The following RANBP2 variants were observed in gnomAD, a reference collection of about 807,000 sequenced individuals.
RANBP2 encodes the protein RAN binding protein 2.
In RANBP2, 57 loss-of-function variants were observed where a neutral mutation model predicts 303.6. That is an observed-to-expected ratio of 0.19 (90% CI 0.15 to 0.23). The LOEUF (loss-of-function observed/expected upper bound fraction) is 0.23, where lower values mean the gene tolerates loss of function less well. RANBP2 is among the 10% of genes least tolerant of loss of function. RANBP2 has a pLI of 1.00. For missense variants in RANBP2, 3,138 were observed against 3,780.8 expected (o/e 0.83, Z 4.46); for synonymous variants, 1,167 against 1,301.5 (o/e 0.90, Z 2.23).
At chr2:108,721,053 AAAAC>A (rs1356868189) in intron 1 of RANBP2, among the ~76,000 whole-genome samples, 1 of 152,210 alleles carries the variant, frequency 6.6e-6, no homozygotes, top group Non-Finnish European at 1.5e-5. Context: ...CAAAAAAACA[AAAAC>A]AAAAACAAAA....
chr2:108,971,248 G>A, the RANBP2 span, among the ~76,000 whole-genome samples: 31 of 152,082 alleles, frequency 2.0e-4, no homozygotes, highest in Admixed American at 6.5e-4. Context: ...ATATTTCTGC[G>A]CCTTTCTTCC....
chr2:109,415,546 T>C, the RANBP2 span, among the ~76,000 whole-genome samples: 507 of 152,170 alleles, frequency 3.3e-3, 1 homozygote, highest in African/African-American at 0.011. Context: ...CCTCTGCCGG[T>C]GCAGGCTGGG....
the RANBP2 span, among the ~76,000 whole-genome samples, chr2:109,317,911 C>T: frequency 6.6e-6 from 1 of 151,992 alleles, no homozygotes; most frequent in African/African-American, 2.4e-5. Context: ...AGCAGCAGCT[C>T]GCTGGCTGCA....
chr2:109,711,278 C>T, the RANBP2 span, among the ~76,000 whole-genome samples: 1 of 152,058 alleles, frequency 6.6e-6, no homozygotes, highest in South Asian at 2.1e-4. Flanking sequence ...TCTCCTCACA[C>T]CCTATAAACG....
At chr2:109,627,467 G>T in the RANBP2 span, among the ~76,000 whole-genome samples, 2 of 152,216 alleles carry the variant, frequency 1.3e-5, no homozygotes, top group Non-Finnish European at 2.9e-5. Flanking sequence ...AAAGTGCTGG[G>T]ATTACAGGCA....
At chr2:108,970,280 G>A in the RANBP2 span, among the ~76,000 whole-genome samples, 6 of 152,108 alleles carry the variant, frequency 3.9e-5, no homozygotes, top group Admixed American at 6.5e-5. Context: ...GCTTCTTTAC[G>A]ACACCAGGAG....
chr2:108,723,793 C>T (rs989887468), intron 1 of RANBP2, among the ~76,000 whole-genome samples: 12 of 151,976 alleles, frequency 7.9e-5, no homozygotes, highest in Admixed American at 7.2e-4. Context: ...TTTTGGTTTG[C>T]TTGTATGTTG....
At chr2:109,295,052 A>T in the RANBP2 span, among the ~76,000 whole-genome samples, 5,316 of 152,360 alleles carry the variant, frequency 0.035, 239 homozygotes, top group African/African-American at 0.096. Context: ...TCCCTGCAGG[A>T]AATGCCACTG....
chr2:109,629,164 T>C, the RANBP2 span, among the ~76,000 whole-genome samples: 6 of 150,748 alleles, frequency 4.0e-5, no homozygotes, highest in South Asian at 1.1e-3. Flanking sequence ...ATCCTGCCAC[T>C]GCACTCTGGC....
chr2:108,776,302 A>C (rs1261240965), intron 24 of RANBP2, among the ~76,000 whole-genome samples: 7 of 152,180 alleles, frequency 4.6e-5, no homozygotes, highest in East Asian at 3.8e-4. Flanking sequence ...TTAATTATGA[A>C]GGAATTGTAG....
the RANBP2 span, among the ~76,000 whole-genome samples, chr2:108,831,781 G>A: frequency 6.7e-6 from 1 of 148,282 alleles, no homozygotes; most frequent in Middle Eastern, 3.2e-3. Flanking sequence ...TGCCCAGGCT[G>A]GAGCGCAATG....
At chr2:108,965,155 G>T in the RANBP2 span, among the ~76,000 whole-genome samples, 1 of 152,034 alleles carries the variant, frequency 6.6e-6, no homozygotes, top group African/African-American at 2.4e-5. Context: ...TTTTTTGAGT[G>T]TCCAAAGTGT....
chr2:109,546,472 C>CT, the RANBP2 span, among the ~76,000 whole-genome samples: 1 of 151,820 alleles, frequency 6.6e-6, no homozygotes, highest in African/African-American at 2.4e-5. Context: ...ATGTACAAAA[C>CT]TATTTTTAAA....
chr2:109,370,076 G>A, the RANBP2 span, among the ~76,000 whole-genome samples: 45 of 152,130 alleles, frequency 3.0e-4, no homozygotes, highest in Non-Finnish European at 5.6e-4. Flanking sequence ...CAGGCCTTGG[G>A]GCGTTCCATG....
the RANBP2 span, among the ~76,000 whole-genome samples, chr2:109,480,810 T>C: frequency 6.6e-6 from 1 of 152,180 alleles, no homozygotes; most frequent in Non-Finnish European, 1.5e-5. Context: ...CCTCCGGCTC[T>C]CTCTAGCTGG....
chr2:109,297,095 A>C, the RANBP2 span, among the ~76,000 whole-genome samples: 1 of 151,968 alleles, frequency 6.6e-6, no homozygotes, highest in Non-Finnish European at 1.5e-5. Flanking sequence ...GGTGACCGGG[A>C]TGGGAAGCCC....
intron 23 of RANBP2, among the ~76,000 whole-genome samples, chr2:108,774,299 G>A (rs1374487903): frequency 1.3e-5 from 2 of 152,148 alleles, no homozygotes; most frequent in African/African-American, 4.8e-5. Context: ...TGGTTTCCAT[G>A]TAAGAGTAAT....
the RANBP2 span, chr2:109,617,867 A>T: frequency 6.3e-6 from 1 of 159,444 alleles, no homozygotes; most frequent in South Asian, 2.1e-4. Flanking sequence ...AAAAATACAA[A>T]AATTAGCCGA....
the RANBP2 span, among the ~76,000 whole-genome samples, chr2:108,870,527 T>C: frequency 6.6e-6 from 1 of 152,182 alleles, no homozygotes; most frequent in Non-Finnish European, 1.5e-5. Flanking sequence ...CCACATTTGA[T>C]AAACCCAGAG....
Sources: gnomAD v4.1 joint callset for allele counts (sites outside exome capture counted in the v4.1 genomes callset) on GRCh38, gnomAD v4.1.1 for gene constraint, MANE v1.5 for transcripts, NCBI Gene and HGNC (gene_info 2026-07-23, HGNC 2026-07-21) for gene names.